MIR2052HG: variants seen among roughly 807,000 people sequenced by gnomAD.
The protein encoded by MIR2052HG is MIR2052 host gene.
chr8:74,742,566 A>G (rs917015102), intron 4 of MIR2052HG, among the ~76,000 whole-genome samples: 2 of 152,014 alleles, frequency 1.3e-5, no homozygotes, highest in Admixed American at 6.6e-5. Context: ...AACCACATTA[A>G]AAAAAAGAGT....
At chr8:74,692,946 C>G (rs1809254629) in intron 2 of MIR2052HG, among the ~76,000 whole-genome samples, 1 of 151,916 alleles carries the variant, frequency 6.6e-6, no homozygotes, top group South Asian at 2.1e-4. Context: ...AAAGACATGA[C>G]CTATGAAAAT....
At chr8:74,679,309 A>G (rs1385033114) in intron 2 of MIR2052HG, among the ~76,000 whole-genome samples, 1 of 151,984 alleles carries the variant, frequency 6.6e-6, no homozygotes, top group East Asian at 1.9e-4. Context: ...GAGTCCTCAT[A>G]GCTTAGCTCC....
In MIR2052HG at chr8:74,616,870, A is replaced by G. The variant is rs1393807777; in HGVS notation, n.216+3930A>G. On this transcript the variant is annotated intron_variant and non_coding_transcript_variant, in intron 2 of 6. Coordinates refer to ENST00000523442, the Ensembl canonical transcript of MIR2052HG. ...ATGGTTAAGAATGAGTCCTCCTCCT[A>G]TAGACTAGGTGTCATTTAGCAAATG... Among the ~76,000 whole-genome samples the G allele has an allele frequency of 2.6e-5, 4 of 151,988 alleles. No homozygotes were observed. The East Asian group carries it at 5.8e-4, about 22-fold the overall frequency.
At chr8:74,708,660 A>G (rs944327933) in intron 4 of MIR2052HG, among the ~76,000 whole-genome samples, 2 of 152,080 alleles carry the variant, frequency 1.3e-5, no homozygotes, top group African/African-American at 4.8e-5. Flanking sequence ...TTTATTATAT[A>G]ATTGTGACAA....
chr8:74,651,591 A>T (rs1808753740), intron 2 of MIR2052HG, among the ~76,000 whole-genome samples: 1 of 152,198 alleles, frequency 6.6e-6, no homozygotes. Flanking sequence ...AAATTTAGTA[A>T]TTCAAGTTGG....
At chr8:74,749,096 T>C (rs2128756506) in intron 4 of MIR2052HG, among the ~76,000 whole-genome samples, 1 of 152,330 alleles carries the variant, frequency 6.6e-6, no homozygotes, top group African/African-American at 2.4e-5. Context: ...TCAATGTATC[T>C]GCAAAAGAGA....
At chr8:74,686,044 G>A (rs1809177583) in intron 2 of MIR2052HG, among the ~76,000 whole-genome samples, 1 of 151,500 alleles carries the variant, frequency 6.6e-6, no homozygotes, top group Admixed American at 6.6e-5. Context: ...CTTATACTTT[G>A]AGGAGAAAAA....
chr8:74,630,338 T>A (rs1206911279), intron 2 of MIR2052HG, among the ~76,000 whole-genome samples: 1 of 151,970 alleles, frequency 6.6e-6, no homozygotes, highest in African/African-American at 2.4e-5. Context: ...TCTTTCTGGA[T>A]ATTGGGGCAA....
chr8:74,641,919 G>A (rs1394194668), intron 2 of MIR2052HG, among the ~76,000 whole-genome samples: 1 of 152,138 alleles, frequency 6.6e-6, no homozygotes, highest in African/African-American at 2.4e-5. Flanking sequence ...GGAGGAAGAT[G>A]GGGGCCTTGT....
At chr8:74,669,633 C>A (rs931396806) in intron 2 of MIR2052HG, among the ~76,000 whole-genome samples, 17 of 152,182 alleles carry the variant, frequency 1.1e-4, no homozygotes, top group Non-Finnish European at 2.5e-4. Context: ...CTCACTACTT[C>A]TCAGGCATGT....
At chr8:74,693,030 C>T (rs767903428) in intron 2 of MIR2052HG, among the ~76,000 whole-genome samples, 1 of 152,134 alleles carries the variant, frequency 6.6e-6, no homozygotes, top group Admixed American at 6.5e-5. Context: ...AGAGGGAGCA[C>T]ATTTAATCTG....
At chr8:74,740,174 ATTGT>A (rs1432427538) in intron 4 of MIR2052HG, among the ~76,000 whole-genome samples, 1 of 152,144 alleles carries the variant, frequency 6.6e-6, no homozygotes, top group South Asian at 2.1e-4. Flanking sequence ...TCAACAAAAA[ATTGT>A]TTGGGCTAGG....
chr8:74,680,900 C>T (rs1809116790), intron 2 of MIR2052HG, among the ~76,000 whole-genome samples: 1 of 151,470 alleles, frequency 6.6e-6, no homozygotes, highest in African/African-American at 2.4e-5. Flanking sequence ...ATGATGAGTT[C>T]ATGTCCTTTG....
chr8:74,625,277 T>G (rs1414738990), intron 2 of MIR2052HG: 1 of 152,242 alleles, frequency 6.6e-6, no homozygotes, highest in Non-Finnish European at 1.5e-5. Context: ...TTGCCCAGGC[T>G]TGTCTTGAAC....
chr8:74,664,644 A>C (rs1808902424), intron 2 of MIR2052HG, among the ~76,000 whole-genome samples: 1 of 152,018 alleles, frequency 6.6e-6, no homozygotes, highest in Non-Finnish European at 1.5e-5. Flanking sequence ...CAGCCTCCTG[A>C]GTAGCTGGGA....
chr8:74,711,345 T>A (rs1034569035), intron 4 of MIR2052HG, among the ~76,000 whole-genome samples: 1 of 152,208 alleles, frequency 6.6e-6, no homozygotes, highest in Non-Finnish European at 1.5e-5. Flanking sequence ...TGTTTACTGT[T>A]CTATACCCAT....
At chr8:74,743,174 A>G (rs941480088) in intron 4 of MIR2052HG, among the ~76,000 whole-genome samples, 3 of 152,160 alleles carry the variant, frequency 2.0e-5, no homozygotes, top group Non-Finnish European at 4.4e-5. Flanking sequence ...CAGACTAAAA[A>G]CCACCTTAAA....
intron 1 of MIR2052HG, among the ~76,000 whole-genome samples, chr8:74,607,103 CCACA>C (rs1234992499): frequency 6.6e-6 from 1 of 150,616 alleles, no homozygotes; most frequent in East Asian, 2.0e-4. Flanking sequence ...ATATAATGAC[CCACA>C]CAGAGTAAAA....
At chr8:74,615,874 T>G (rs1178301138) in intron 2 of MIR2052HG, among the ~76,000 whole-genome samples, 2 of 152,152 alleles carry the variant, frequency 1.3e-5, no homozygotes, top group Non-Finnish European at 2.9e-5. Flanking sequence ...TGGTTTTCTG[T>G]CCTTGCGATA....
Sources: gnomAD v4.1 joint callset for allele counts (sites outside exome capture counted in the v4.1 genomes callset) on GRCh38, gnomAD v4.1.1 for gene constraint, MANE v1.5 for transcripts, NCBI Gene and HGNC (gene_info 2026-07-23, HGNC 2026-07-21) for gene names.